The following RAB44 variants were observed in gnomAD, a reference collection of about 807,000 sequenced individuals.
The protein encoded by RAB44 is ras-related protein Rab-44.
In RAB44, 67 loss-of-function variants were observed where a neutral mutation model predicts 93.3. The observed-to-expected ratio is 0.72, with a 90% confidence interval of 0.59 to 0.88. The LOEUF (loss-of-function observed/expected upper bound fraction) is 0.88, where lower values mean the gene tolerates loss of function less well. RAB44 is among the 40% of genes least tolerant of loss of function. The probability of loss-of-function intolerance (pLI) is 0.00; values close to 1 mark genes in which losing one functional copy is unlikely to be tolerated. For synonymous variants in RAB44, 427 were observed against 520.3 expected, an observed-to-expected ratio of 0.82 and a Z score of 2.44; for missense variants, 1,064 against 1,261.7, an observed-to-expected ratio of 0.84 and a Z score of 2.37.
At position 36,704,244 on chromosome 6, in the gene RAB44, T is replaced by C. The variant is rs781780052; in HGVS notation, c.9T>C (p.Thr3=). The C allele has an allele frequency of 1.3e-6, 2 of 1,536,056 alleles. No individual in the cohort carries two copies. Among genetic ancestry groups the C allele is most frequent in the South Asian group, 1.2e-5 (1 of 84,054 alleles). ...CCCAGGGCCAACGCACCATGGAGAC[T>C]GGACAGAGAACATCTCGAAAAGTCC... ME[T]GQRTSRKVRK... is the part of the protein sequence containing the mutation. The change falls in exon 2 of 14, where the codon ACT becomes ACC. Residue 3 remains threonine (T), a synonymous_variant. Coordinates refer to ENST00000612677, the MANE Select transcript of RAB44 (RefSeq NM_001257357.2).
chr6:36,708,981 G>A (rs1762715929), intron 2 of RAB44, among the ~76,000 whole-genome samples: 1 of 151,576 alleles, frequency 6.6e-6, no homozygotes. Flanking sequence ...TTTCACTCTT[G>A]TTGCCCAGGC....
At chr6:36,721,064 C>T in intron 8 of RAB44, 87 bp from the exon 9 acceptor site, 1 of 1,187,906 alleles carries the variant, frequency 8.4e-7, no homozygotes, top group Non-Finnish European at 1.1e-6. Flanking sequence ...ATGGGGAGAG[C>T]AAGGGATGGT....
intron 1 of RAB44, among the ~76,000 whole-genome samples, chr6:36,702,772 C>T (rs1762545684): frequency 6.6e-6 from 1 of 152,200 alleles, no homozygotes; most frequent in African/African-American, 2.4e-5. Context: ...CAGACTTTAT[C>T]CCTTTCAAAC....
At position 36,731,898 on chromosome 6, in the gene RAB44, G is replaced by A. The variant is rs945774821; in HGVS notation, c.2976-105G>A. ...TGCAGGGCAGGGGCAGAGCTGTTGTGGGGGTTGTGGGTGCGGCCTCCCACC... is the reference window on the plus strand; with the variant it reads ...TGCAGGGCAGGGGCAGAGCTGTTGTAGGGGTTGTGGGTGCGGCCTCCCACC... On this transcript the variant is annotated intron_variant, in intron 13 of 13. Coordinates refer to ENST00000612677, the MANE Select transcript of RAB44 (RefSeq NM_001257357.2). The surrounding 1 kb of genome is among the most constrained non-coding windows in gnomAD (Gnocchi z 4.0). 1.6e-5 allele frequency: 9 copies of A among 560,650 alleles called. No homozygotes were observed. The highest frequency in any genetic ancestry group is 2.1e-5 in the Non-Finnish European group (8 of 375,966). The allele number at this position is 560,650 out of a possible 1,614,324, so 34.7% of individuals were successfully genotyped here. A position where few individuals can be genotyped will look rare whatever the true frequency, so the allele number is the denominator to read the frequency against.
chr6:36,704,441 C>T lies in RAB44; in HGVS notation c.206C>T (p.Ala69Val), dbSNP rs1028531161. Residue 69 changes from alanine to valine, a missense_variant and splice_region_variant, in exon 2 of 14, where the codon GCG becomes GTG. By Grantham distance (64) the Ala-to-Val change is moderately conservative (BLOSUM62 0). Coordinates refer to ENST00000612677, the MANE Select transcript of RAB44 (RefSeq NM_001257357.2). ...ERGFVTREDL[A>V]VAKFSFLGSK... The stretch of plus-strand genomic sequence containing the variant: ...GGCTTTGTCACCCGCGAGGACCTGG[C>T]GGTGAGCCCAAGACCCCCATTTGAA... 6 of 1,534,700 alleles carry T rather than the reference C, an allele frequency of 3.9e-6. No homozygotes were observed. The African/African-American group carries it at 5.5e-5, about 14-fold the overall frequency.
chr6:36,725,860 A>G lies in RAB44; in HGVS notation c.2600-2A>G. The stretch of plus-strand genomic sequence containing the variant: ...GGCTTCACCCCTCTCTATGTGTCCT[A>G]GGAGTAGATTTTCGGGTCAAAACCT... On this transcript the variant is annotated splice_acceptor_variant, in intron 9 of 13. Transcript: ENST00000612677. LOFTEE classifies it high-confidence loss of function. The G allele has an allele frequency of 2.6e-6, 4 of 1,549,646 alleles. No homozygotes were observed. Among genetic ancestry groups the G allele is most frequent in the South Asian group, 1.2e-5 (1 of 84,056 alleles).
intron 3 of RAB44, 66 bp from the exon 4 acceptor site, chr6:36,715,413 G>A: frequency 6.9e-7 from 1 of 1,451,724 alleles, no homozygotes; most frequent in South Asian, 1.2e-5. Flanking sequence ...GACCAGGGCT[G>A]GGTGGGAGGC....
Position 36,731,992 on chromosome 6 carries a change from C to T in RAB44, c.2976-11C>T. The stretch of plus-strand genomic sequence containing the variant: ...TGAGAGAGAGGCCTGATGCCTGGCA[C>T]TGTCACATAGGTCACTCAGGATGCA... On this transcript the variant is annotated splice_polypyrimidine_tract_variant and intron_variant, in intron 13 of 13. Transcript: ENST00000612677. The surrounding 1 kb of genome is among the most constrained non-coding windows in gnomAD (Gnocchi z 4.0). 2 of 1,233,554 alleles carry T rather than the reference C, an allele frequency of 1.6e-6. No homozygotes were observed. The highest frequency in any genetic ancestry group is 3.1e-5 in the African/African-American group (2 of 64,580). The allele number at this position is 1,233,554 out of a possible 1,614,324, so 76.4% of individuals were successfully genotyped here. A position where few individuals can be genotyped will look rare whatever the true frequency, so the allele number is the denominator to read the frequency against.
chr6:36,708,738 A>C (rs2150327729), intron 2 of RAB44, among the ~76,000 whole-genome samples: 1 of 152,164 alleles, frequency 6.6e-6, no homozygotes, highest in African/African-American at 2.4e-5. Flanking sequence ...TTCTGGGGAG[A>C]TAGATAGGGA....
In RAB44 at chr6:36,721,451, T is replaced by A. The variant is rs377222730; in HGVS notation, c.1317T>A (p.Thr439=). 8 of 1,234,342 alleles carry A rather than the reference T, an allele frequency of 6.5e-6. No individual in the cohort carries two copies. Among genetic ancestry groups the A allele is most frequent in the East Asian group, 6.3e-5 (2 of 31,686 alleles). The allele number at this position is 1,234,342 out of a possible 1,614,324, so 76.5% of individuals were successfully genotyped here. Residue 439 remains threonine, a synonymous_variant, in exon 9 of 14, where the codon ACT becomes ACA. Coordinates refer to ENST00000612677, the MANE Select transcript of RAB44 (RefSeq NM_001257357.2). ...CTCCAAGGACCCCACCTGGGGTGAC[T>A]TTCAGCGCCAAGGACAATAAAGGAG... ...DGAPRTPPGV[T]FSAKDNKGVD...
chr6:36,722,930 T>C (rs236476), intron 9 of RAB44, among the ~76,000 whole-genome samples, 197 bp downstream of exon 9: 80,944 of 152,162 alleles, frequency 0.53, 22,595 homozygotes, highest in Non-Finnish European at 0.63. Flanking sequence ...AGGTAATTTG[T>C]TTTTTCTGCA....
At chr6:36,715,371 T>G in intron 3 of RAB44, 108 bp from the exon 4 acceptor site, 1 of 965,174 alleles carries the variant, frequency 1.0e-6, no homozygotes, top group Non-Finnish European at 1.5e-6. Context: ...TAAATGTGAC[T>G]GGCACAGGTA....
chr6:36,699,543 A>G (rs2150321332), intron 1 of RAB44, among the ~76,000 whole-genome samples: 1 of 152,074 alleles, frequency 6.6e-6, no homozygotes, highest in South Asian at 2.1e-4. Context: ...GTCAACGCCC[A>G]CCCCGTTCCA....
Position 36,704,457 on chromosome 6 carries a change from C to T in RAB44, c.207+15C>T, listed in dbSNP as rs1249421828. ...AGGACCTGGCGGTGAGCCCAAGACC[C>T]CCATTTGAATGCTGAATCCCTTTTC... On this transcript the variant is annotated intron_variant, in intron 2 of 13. Transcript: ENST00000612677. 1.3e-6 allele frequency: 2 copies of T among 1,529,290 alleles called. No individual in the cohort carries two copies. Among genetic ancestry groups the T allele is most frequent in the East Asian group, 4.9e-5 (2 of 40,740 alleles). The allele number at this position is 1,529,290 out of a possible 1,614,324, so 94.7% of individuals were successfully genotyped here. A position where few individuals can be genotyped will look rare whatever the true frequency, so the allele number is the denominator to read the frequency against.
chr6:36,699,298 G>C (rs1032920326), intron 1 of RAB44, among the ~76,000 whole-genome samples: 1 of 152,098 alleles, frequency 6.6e-6, no homozygotes, highest in African/African-American at 2.4e-5. Flanking sequence ...GGAACTCCCA[G>C]AAAGGAAAGT....
At chr6:36,728,187 A>G (rs2150342032) in intron 11 of RAB44, among the ~76,000 whole-genome samples, 1 of 152,296 alleles carries the variant, frequency 6.6e-6, no homozygotes, top group South Asian at 2.1e-4. Flanking sequence ...AGGGGAGCTG[A>G]GCACTGGGGT....
At chr6:36,721,058 G>A in intron 8 of RAB44, 93 bp from the exon 9 acceptor site, 1 of 1,162,062 alleles carries the variant, frequency 8.6e-7, no homozygotes, top group Non-Finnish European at 1.1e-6. Context: ...CTGGCCATGG[G>A]GAGAGCAAGG....
chr6:36,730,646 A>T, intron 12 of RAB44, 27 bp from the exon 13 acceptor site: 2 of 1,228,944 alleles, frequency 1.6e-6, no homozygotes, highest in African/African-American at 1.6e-5. Context: ...CCCAAGGCAC[A>T]TATGTCCCTC....
In RAB44 at chr6:36,703,323, A is replaced by G. The variant is rs370965132; in HGVS notation, c.-12-901A>G. 6.8e-4 allele frequency among the ~76,000 whole-genome samples: 104 copies of G among 152,344 alleles called. 2 individuals carry two copies. Among genetic ancestry groups the G allele is most frequent in the African/African-American group, 2.4e-3 (100 of 41,572 alleles). On this transcript the variant is annotated intron_variant, in intron 1 of 13. Coordinates refer to ENST00000612677, the MANE Select transcript of RAB44 (RefSeq NM_001257357.2). ...CTTCACTGGGGATCAAGTTTCCAAC[A>G]CATGAACTTTGGGGAACACATTCAA...
Sources: gnomAD v4.1 joint callset for allele counts (sites outside exome capture counted in the v4.1 genomes callset) on GRCh38, gnomAD v4.1.1 for gene constraint, Gnocchi (gnomAD v3.1) non-coding constraint, MANE v1.5 for transcripts, NCBI Gene and HGNC (gene_info 2026-07-23, HGNC 2026-07-21) for gene names.